Variants in PIEZO2 observed in about 807,000 individuals in gnomAD.
The protein encoded by PIEZO2 is piezo-type mechanosensitive ion channel component 2.
In PIEZO2, 172 loss-of-function variants were observed where a neutral mutation model predicts 337.3. That is an observed-to-expected ratio of 0.51 (90% CI 0.45 to 0.58). PIEZO2 has a LOEUF of 0.58. Ranked by LOEUF, PIEZO2 falls within the 20% of genes least tolerant of loss-of-function variation. The probability of loss-of-function intolerance (pLI) is 0.00; values close to 1 mark genes in which losing one functional copy is unlikely to be tolerated. For synonymous variants in PIEZO2, 1,251 were observed against 1,228.5 expected (o/e 1.02, Z -0.38); for missense variants, 3,028 against 3,391.3 (o/e 0.89, Z 2.66).
At chr18:10,879,453 T>C (rs1012588865) in intron 4 of PIEZO2, among the ~76,000 whole-genome samples, 2 of 138,182 alleles carry the variant, frequency 1.4e-5, no homozygotes, top group African/African-American at 5.5e-5. Context: ...TGGAGTGCAG[T>C]AGTGCGATCT....
At chr18:10,941,388 T>A (rs1364680864) in intron 3 of PIEZO2, among the ~76,000 whole-genome samples, 1 of 152,154 alleles carries the variant, frequency 6.6e-6, no homozygotes, top group Admixed American at 6.5e-5. Context: ...AATGAAGACA[T>A]CTGAATAATG....
intron 2 of PIEZO2, among the ~76,000 whole-genome samples, chr18:11,058,658 T>A (rs1335616475): frequency 6.6e-6 from 1 of 151,992 alleles, no homozygotes; most frequent in Non-Finnish European, 1.5e-5. Context: ...TTTGATCAAC[T>A]GGAAGAAAGG....
chr18:10,963,511 C>T (rs944679472), intron 3 of PIEZO2, among the ~76,000 whole-genome samples: 1 of 152,126 alleles, frequency 6.6e-6, no homozygotes, highest in African/African-American at 2.4e-5. Context: ...CCACATTAAC[C>T]GGTTACATTA....
At chr18:10,829,449 C>G (rs944330187) in intron 7 of PIEZO2, among the ~76,000 whole-genome samples, 1 of 152,106 alleles carries the variant, frequency 6.6e-6, no homozygotes, top group African/African-American at 2.4e-5. Flanking sequence ...GAAGTCCCAG[C>G]TAGCTAATCA....
At position 10,863,703 on chromosome 18, in the gene PIEZO2, A is replaced by T. The variant is rs577939068; in HGVS notation, c.493-6492T>A. 7.3e-5 allele frequency among the ~76,000 whole-genome samples: 11 copies of T among 151,692 alleles called. No individual in the cohort carries two copies. The South Asian group carries it at 2.3e-3, about 31-fold the overall frequency. On this transcript the variant is annotated intron_variant, in intron 5 of 55. Coordinates refer to ENST00000674853, the MANE Select transcript of PIEZO2 (RefSeq NM_001378183.1). The surrounding 1 kb of genome is among the most constrained non-coding windows in gnomAD (Gnocchi z 4.3). ...TTTTTAAAACTTCCCAGGTTAATTCACCTACTTAGAATGGCAATAGTCTTT... is the reference window on the plus strand; with the variant it reads ...TTTTTAAAACTTCCCAGGTTAATTCTCCTACTTAGAATGGCAATAGTCTTT...
chr18:10,997,898 T>G (rs890322902), intron 2 of PIEZO2, among the ~76,000 whole-genome samples: 2 of 152,134 alleles, frequency 1.3e-5, no homozygotes, highest in Non-Finnish European at 2.9e-5. Context: ...GGTGAAGACA[T>G]AATGTACACA....
At chr18:11,043,633 T>G (rs1421214124) in intron 2 of PIEZO2, among the ~76,000 whole-genome samples, 1 of 151,620 alleles carries the variant, frequency 6.6e-6, no homozygotes, top group African/African-American at 2.4e-5. Context: ...TGAAATCTAC[T>G]GGAAAAAAGT....
chr18:11,146,262 T>C lies in PIEZO2; in HGVS notation c.64+2263A>G, dbSNP rs2040807338. Among the ~76,000 whole-genome samples, 1 of 152,248 alleles carries C rather than the reference T, an allele frequency of 6.6e-6. No homozygotes were observed. Among genetic ancestry groups the C allele is most frequent in the South Asian group, 2.1e-4 (1 of 4,820 alleles). The stretch of plus-strand genomic sequence containing the variant: ...GCCAAGGTTATTATCTTGTCGCCCC[T>C]GGAAGCCGAGCTCCTCCCAGAAAGT... On this transcript the variant is annotated intron_variant, in intron 1 of 55. Coordinates refer to ENST00000674853, the MANE Select transcript of PIEZO2 (RefSeq NM_001378183.1). This position sits in a 1 kb window ranked among gnomAD's most constrained non-coding sequence, Gnocchi z 6.1.
intron 2 of PIEZO2, among the ~76,000 whole-genome samples, chr18:11,051,395 CAT>C (rs2037531975): frequency 8.3e-6 from 1 of 119,796 alleles, no homozygotes; most frequent in Non-Finnish European, 1.9e-5. Flanking sequence ...GTGGGTGTAA[CAT>C]AAACATTTCA....
rs542559176 is a variant in PIEZO2 at position 10,848,367 on chromosome 18, T to G, written c.917+6986A>C. ...GTTTTTTAACTTTAGAAGAAACTCATCATGCTAGAATTTGAGGTTTTGCTG... is the reference window on the plus strand; with the variant it reads ...GTTTTTTAACTTTAGAAGAAACTCAGCATGCTAGAATTTGAGGTTTTGCTG... On this transcript the variant is annotated intron_variant, in intron 7 of 55. Coordinates refer to ENST00000674853, the MANE Select transcript of PIEZO2 (RefSeq NM_001378183.1). Among the ~76,000 whole-genome samples the G allele has an allele frequency of 2.1e-4, 32 of 152,356 alleles. 1 individual carries two copies. The South Asian group carries it at 3.7e-3, about 18-fold the overall frequency.
chr18:10,908,313 C>T (rs2030144586), intron 4 of PIEZO2: 1 of 152,190 alleles, frequency 6.6e-6, no homozygotes, highest in South Asian at 2.1e-4. Context: ...CTTTAGCTGA[C>T]TCAGTTACTT....
At chr18:11,093,576 CTTTTTTTT>C (rs67441841) in intron 1 of PIEZO2, among the ~76,000 whole-genome samples, 1 of 56,660 alleles carries the variant, frequency 1.8e-5, no homozygotes, top group African/African-American at 6.6e-5. Context: ...CACTCAACAT[CTTTTTTTT>C]TTTTTTTTTT....
chr18:10,672,638 C>G lies in PIEZO2; in HGVS notation c.8345+52G>C. 6.4e-7 allele frequency: 1 copy of G among 1,560,382 alleles called. No individual in the cohort carries two copies. The highest frequency in any genetic ancestry group is 8.7e-7 in the Non-Finnish European group (1 of 1,155,950). On this transcript the variant is annotated intron_variant, in intron 55 of 55. Transcript: ENST00000674853. The surrounding 1 kb of genome is among the most constrained non-coding windows in gnomAD (Gnocchi z 4.7). ...AAAAGGCTTCCCACTCTCAACTTTA[C>G]ATGATACAGAAGTAGACTCTTGTAA...
intron 7 of PIEZO2, among the ~76,000 whole-genome samples, chr18:10,851,468 C>A (rs966953637): frequency 6.6e-6 from 1 of 151,958 alleles, no homozygotes; most frequent in Non-Finnish European, 1.5e-5. Context: ...GGATGATGTA[C>A]CGAAATGTCT....
intron 21 of PIEZO2, among the ~76,000 whole-genome samples, chr18:10,768,691 A>T (rs2038468134): frequency 6.6e-6 from 1 of 152,192 alleles, no homozygotes; most frequent in South Asian, 2.1e-4. Flanking sequence ...GGGAGTGGTG[A>T]TACTCTATGG....
Position 10,802,972 on chromosome 18 carries a change from C to CAA in PIEZO2, c.1200+901_1200+902dup, listed in dbSNP as rs71362185. Among the ~76,000 whole-genome samples, 484 of 127,414 alleles carry CAA rather than the reference C, an allele frequency of 3.8e-3. 7 individuals are homozygous for CAA. The East Asian group carries it at 0.042, about 11-fold the overall frequency. The allele number at this position is 127,414 out of a possible 152,430, so 83.6% of individuals were successfully genotyped here. A position where few individuals can be genotyped will look rare whatever the true frequency, so the allele number is the denominator to read the frequency against. On this transcript the variant is annotated intron_variant, in intron 9 of 55. Coordinates refer to ENST00000674853, the MANE Select transcript of PIEZO2 (RefSeq NM_001378183.1). Reference sequence around the variant, plus strand: ...GGGTGACAGAGCGAGACTCTGTTGCCAAAAAAAAAAAAAAAAGGTATTTTA... The same window carrying CAA: ...GGGTGACAGAGCGAGACTCTGTTGCCAAAAAAAAAAAAAAAAAAGGTATTTTA...
At position 11,078,051 on chromosome 18, in the gene PIEZO2, CA is replaced by C. The variant is rs1198341178; in HGVS notation, c.65-11830del. Among the ~76,000 whole-genome samples the C allele has an allele frequency of 1.0e-4, 13 of 124,486 alleles. No homozygotes were observed. The highest frequency in any genetic ancestry group is 3.5e-4 in the African/African-American group (10 of 28,440). 81.7% of individuals were successfully genotyped at this position (124,486 alleles called of 152,430 possible). A position where few individuals can be genotyped will look rare whatever the true frequency, so the allele number is the denominator to read the frequency against. On this transcript the variant is annotated intron_variant, in intron 1 of 55. Transcript: ENST00000674853. The surrounding 1 kb of genome is among the most constrained non-coding windows in gnomAD (Gnocchi z 5.3). ...GCACACACACCCACACACACCCACA[CA>C]CACACACACACACACCACACACACA...
intron 45 of PIEZO2, among the ~76,000 whole-genome samples, chr18:10,697,350 T>C (rs1018200326): frequency 1.3e-5 from 2 of 152,134 alleles, no homozygotes; most frequent in Non-Finnish European, 2.9e-5. Context: ...TGTATGACCA[T>C]GGACAAAGCA....
In PIEZO2 at chr18:10,973,275, C is replaced by A. The variant is rs1378227745; in HGVS notation, c.286+6260G>T. Among the ~76,000 whole-genome samples the A allele has an allele frequency of 6.6e-6, 1 of 152,186 alleles. No individual in the cohort carries two copies. The highest frequency in any genetic ancestry group is 1.5e-5 in the Non-Finnish European group (1 of 68,036). On this transcript the variant is annotated intron_variant, in intron 3 of 55. Transcript: ENST00000674853. The surrounding 1 kb of genome is among the most constrained non-coding windows in gnomAD (Gnocchi z 4.9). ...TGTGTCTAGCTTTTGGCAGTAAAAA[C>A]AATGTGTATTCATTACTCCAAGAGC...
Sources: gnomAD v4.1 joint callset for allele counts (sites outside exome capture counted in the v4.1 genomes callset) on GRCh38, gnomAD v4.1.1 for gene constraint, Gnocchi (gnomAD v3.1) non-coding constraint, MANE v1.5 for transcripts, NCBI Gene and HGNC (gene_info 2026-07-23, HGNC 2026-07-21) for gene names.